The following LRP5 variants were observed in gnomAD, a reference collection of about 807,000 sequenced individuals.
LRP5 encodes LDL receptor related protein 5, also known as low-density lipoprotein receptor-related protein 5.
In LRP5, 62 loss-of-function variants were observed where a neutral mutation model predicts 154.1. The ratio of observed to expected loss-of-function variants is 0.40; its 90% confidence interval spans 0.33 to 0.50. LRP5 has a LOEUF of 0.50. Ranked by LOEUF, LRP5 falls within the 20% of genes least tolerant of loss-of-function variation. The probability of loss-of-function intolerance (pLI) is 0.55; values close to 1 mark genes in which losing one functional copy is unlikely to be tolerated. For missense variants in LRP5, 1,915 were observed against 2,336.7 expected (o/e 0.82, Z 3.72); for synonymous variants, 966 against 1,011.5 (o/e 0.96, Z 0.85).
chr11:68,332,420 G>A (rs1330244171), intron 1 of LRP5, among the ~76,000 whole-genome samples: 3 of 152,304 alleles, frequency 2.0e-5, no homozygotes, highest in East Asian at 1.9e-4. Context: ...GCTCTGCACC[G>A]GGCCCTGCTC....
chr11:68,370,240 C>T (rs557278568), intron 5 of LRP5, among the ~76,000 whole-genome samples: 6 of 152,228 alleles, frequency 3.9e-5, no homozygotes, highest in South Asian at 2.1e-4. Context: ...ACTGGCTGCT[C>T]GTGGCTGAGC....
chr11:68,298,446 G>A, the LRP5 span, among the ~76,000 whole-genome samples: 171 of 152,362 alleles, frequency 1.1e-3, 1 homozygote, highest in African/African-American at 4.0e-3. Context: ...AACATGTAGG[G>A]AAAACCTGCG....
In LRP5 at chr11:68,425,086, C is replaced by A. The variant is rs748779058; in HGVS notation, c.3237-16C>A. 4 of 1,612,486 alleles carry A rather than the reference C, an allele frequency of 2.5e-6. No homozygotes were observed. Among genetic ancestry groups the A allele is most frequent in the Middle Eastern group, 1.6e-4 (1 of 6,080 alleles). On this transcript the variant is annotated splice_polypyrimidine_tract_variant and intron_variant, in intron 14 of 22. Transcript: ENST00000294304. ...GCCATCCCCACACCCGTCCTTCACC[C>A]GCCACCCTCCCGCAGGTACCTGTAC... is the stretch of plus-strand genomic sequence containing the variant.
chr11:68,427,185 C>G (rs2098669255), intron 16 of LRP5, among the ~76,000 whole-genome samples: 1 of 152,184 alleles, frequency 6.6e-6, no homozygotes, highest in Non-Finnish European at 1.5e-5. Context: ...GGTCATGACG[C>G]CGTGCTGGGG....
At chr11:68,356,809 G>C (rs1261501154) in intron 2 of LRP5, among the ~76,000 whole-genome samples, 5 of 152,120 alleles carry the variant, frequency 3.3e-5, no homozygotes, top group Non-Finnish European at 4.4e-5. Flanking sequence ...ATGCTTTACT[G>C]TCTCTGTGTA....
At chr11:68,351,835 G>T (rs1220940774) in intron 2 of LRP5, among the ~76,000 whole-genome samples, 1 of 152,210 alleles carries the variant, frequency 6.6e-6, no homozygotes, top group Non-Finnish European at 1.5e-5. Flanking sequence ...TGCTGGGAAG[G>T]CCTCTTGGTG....
intron 14 of LRP5, among the ~76,000 whole-genome samples, chr11:68,424,331 A>C (rs561089148): frequency 6.6e-5 from 10 of 152,318 alleles, no homozygotes; most frequent in African/African-American, 2.4e-4. Flanking sequence ...GAGCCCAGAG[A>C]TTGAGCCCTG....
chr11:68,355,290 GT>G (rs1235654696), intron 2 of LRP5, among the ~76,000 whole-genome samples: 3 of 152,164 alleles, frequency 2.0e-5, no homozygotes, highest in African/African-American at 7.2e-5. Flanking sequence ...CGAGCTGCCT[GT>G]TTCTAAATCA....
rs569315144 is a variant in LRP5, at chr11:68,370,755, TTG to T, written c.1015+5057_1015+5058del. 1.6e-4 allele frequency among the ~76,000 whole-genome samples: 25 copies of T among 152,314 alleles called. No homozygotes were observed. In the East Asian group the frequency reaches 4.6e-3, roughly 28 times the overall value. ...GACTGGCACGCAGGAGAAAAACATT[TTG>T]TGTCATTTATAGGCCCTGCTTGGGC... On this transcript the variant is annotated intron_variant, in intron 5 of 22. Coordinates refer to ENST00000294304, the MANE Select transcript of LRP5 (RefSeq NM_002335.4).
chr11:68,418,401 C>CA (rs981576254), intron 13 of LRP5, among the ~76,000 whole-genome samples: 150 of 140,272 alleles, frequency 1.1e-3, no homozygotes, highest in South Asian at 1.1e-3. Flanking sequence ...GACGCCATCT[C>CA]AAAAAAAAAA....
chr11:68,403,371 T>C, intron 7 of LRP5, 112 bp from the exon 8 acceptor site: 1 of 874,586 alleles, frequency 1.1e-6, no homozygotes. Flanking sequence ...TTGCGGCTCT[T>C]GGGCATTGAA....
intron 2 of LRP5, among the ~76,000 whole-genome samples, chr11:68,355,165 G>A (rs565346144): frequency 5.9e-5 from 9 of 152,304 alleles, no homozygotes; most frequent in African/African-American, 2.2e-4. Context: ...CCATGGTGGG[G>A]GAGGAGGCGG....
intron 21 of LRP5, among the ~76,000 whole-genome samples, chr11:68,443,887 G>A (rs1352356207): frequency 3.3e-5 from 5 of 151,646 alleles, no homozygotes; most frequent in Admixed American, 6.6e-5. Context: ...TCGAACTCGC[G>A]ACCTCAGGTG....
chr11:68,307,241 C>G, the LRP5 span, among the ~76,000 whole-genome samples: 2 of 151,924 alleles, frequency 1.3e-5, no homozygotes, highest in Non-Finnish European at 2.9e-5. Context: ...GGAGGCCAGG[C>G]CAGGAGGATG....
chr11:68,355,907 T>C (rs1404847733), intron 2 of LRP5, among the ~76,000 whole-genome samples: 3 of 151,938 alleles, frequency 2.0e-5, no homozygotes, highest in Non-Finnish European at 4.4e-5. Flanking sequence ...TGGTGTGATC[T>C]TGGCTCACTG....
chr11:68,309,651 A>T (rs2098586566), upstream of LRP5, among the ~76,000 whole-genome samples: 5 of 148,904 alleles, frequency 3.4e-5, no homozygotes, highest in South Asian at 1.1e-3. Flanking sequence ...TGTCCAGTAG[A>T]GTCTTTAGTT....
Position 68,447,792 on chromosome 11 carries a change from C to T in LRP5, c.4587-1017C>T, listed in dbSNP as rs1488170361. 6.6e-6 allele frequency among the ~76,000 whole-genome samples: 1 copy of T among 152,130 alleles called. No individual in the cohort carries two copies. The highest frequency in any genetic ancestry group is 1.9e-4 in the East Asian group (1 of 5,186). ...GCCCCTCTGTGACAGGACGGGGGCT[C>T]CTAAACACACCACAGTTCCGAGTCT... On this transcript the variant is annotated intron_variant, in intron 22 of 22. Transcript: ENST00000294304. The surrounding 1 kb of genome is among the most constrained non-coding windows in gnomAD (Gnocchi z 4.3).
In LRP5 at chr11:68,439,793, G is replaced by A; in HGVS notation, c.4365G>A (p.Lys1455=). The part of the protein sequence containing the change: ...HGPFTGIACG[K]SMMSSVSLMG... ...CCCTGCCAGGCATCGCATGCGGAAAGTCCATGATGAGCTCCGTGAGCCTGA... is the reference window on the plus strand; with the variant it reads ...CCCTGCCAGGCATCGCATGCGGAAAATCCATGATGAGCTCCGTGAGCCTGA... Residue 1455 remains lysine, a synonymous_variant, in exon 21 of 23, where the codon AAG becomes AAA. Coordinates refer to ENST00000294304, the MANE Select transcript of LRP5 (RefSeq NM_002335.4). The A allele has an allele frequency of 6.2e-7, 1 of 1,611,678 alleles. No individual in the cohort carries two copies. Among genetic ancestry groups the A allele is most frequent in the Non-Finnish European group, 8.5e-7 (1 of 1,179,626 alleles).
rs1191342201 is a variant in LRP5 at position 68,406,631 on chromosome 11, A to AG, written c.1909_1910insG (p.Met637SerfsTer8). The stretch of plus-strand genomic sequence containing the variant: ...CATCGGCCTGGAGCTGCTGAGTGAC[A>AG]TGAAGACCTGCATCGTGCCTGAGGC... On this transcript the variant is annotated frameshift_variant, in exon 9 of 23. Coordinates refer to ENST00000294304, the MANE Select transcript of LRP5 (RefSeq NM_002335.4). LOFTEE classifies it high-confidence loss of function. 6.2e-7 allele frequency: 1 copy of AG among 1,614,040 alleles called. No homozygotes were observed. Among genetic ancestry groups the AG allele is most frequent in the Non-Finnish European group, 8.5e-7 (1 of 1,180,054 alleles).
Sources: gnomAD v4.1 joint callset for allele counts (sites outside exome capture counted in the v4.1 genomes callset) on GRCh38, gnomAD v4.1.1 for gene constraint, Gnocchi (gnomAD v3.1) non-coding constraint, MANE v1.5 for transcripts, NCBI Gene and HGNC (gene_info 2026-07-23, HGNC 2026-07-21) for gene names.